The following NTM variants were observed in gnomAD, a reference collection of about 807,000 sequenced individuals.
NTM encodes the protein IgLON family member 2.
NTM carries 13 observed loss-of-function variants against 42.1 expected under a neutral mutation model. The ratio of observed to expected loss-of-function variants is 0.31; its 90% CI spans 0.20 to 0.49. The LOEUF (loss-of-function observed/expected upper bound fraction) is 0.49, where lower values mean the gene tolerates loss of function less well. NTM is among the 20% of genes least tolerant of loss of function. The probability of loss-of-function intolerance (pLI) is 0.99; values close to 1 mark genes in which losing one functional copy is unlikely to be tolerated. For synonymous variants in NTM, 187 were observed against 179.2 expected (o/e 1.04, Z -0.35); for missense variants, 373 against 452.8 (o/e 0.82, Z 1.60).
intron 1 of NTM, among the ~76,000 whole-genome samples, chr11:131,617,354 A>T (rs2062045425): frequency 6.6e-6 from 1 of 152,124 alleles, no homozygotes; most frequent in Admixed American, 6.5e-5. Context: ...GTTTAAGAAG[A>T]TCATCTTCAT....
intron 2 of NTM, among the ~76,000 whole-genome samples, chr11:132,057,044 ACC>A (rs1310208908): frequency 6.6e-6 from 1 of 152,214 alleles, no homozygotes; most frequent in African/African-American, 2.4e-5. Context: ...AAGTGCTGAT[ACC>A]AGTGATAAAA....
chr11:131,751,525 G>T (rs937524600), intron 1 of NTM, among the ~76,000 whole-genome samples: 2 of 151,712 alleles, frequency 1.3e-5, no homozygotes, highest in African/African-American at 4.8e-5. Context: ...GGGAGGCGGA[G>T]CTTGCAGTGG....
intron 1 of NTM, among the ~76,000 whole-genome samples, chr11:131,781,405 A>G (rs1408677012): frequency 1.3e-5 from 2 of 152,166 alleles, no homozygotes; most frequent in Non-Finnish European, 2.9e-5. Flanking sequence ...TTGAATAAAC[A>G]TTTTAATTTA....
At chr11:132,173,368 C>A (rs1326312217) in intron 3 of NTM, among the ~76,000 whole-genome samples, 1 of 152,216 alleles carries the variant, frequency 6.6e-6, no homozygotes, top group Non-Finnish European at 1.5e-5. Context: ...GAAGTGGGGT[C>A]TCCGGAATTC....
chr11:131,915,413 T>G (rs2056135224), intron 2 of NTM, among the ~76,000 whole-genome samples: 1 of 152,246 alleles, frequency 6.6e-6, no homozygotes, highest in Non-Finnish European at 1.5e-5. Flanking sequence ...GCAAGAATCA[T>G]GCCTTGTCAT....
intron 1 of NTM, among the ~76,000 whole-genome samples, chr11:131,816,393 C>T (rs556027632): frequency 6.6e-6 from 1 of 152,166 alleles, no homozygotes; most frequent in South Asian, 2.1e-4. Context: ...TTTTTAAAAG[C>T]CGTGGAAGAG....
At chr11:132,197,452 C>A (rs1444151712) in intron 3 of NTM, among the ~76,000 whole-genome samples, 2 of 151,392 alleles carry the variant, frequency 1.3e-5, no homozygotes, top group Non-Finnish European at 2.9e-5. Flanking sequence ...CATAACCACC[C>A]TATTAGGTAT....
chr11:132,034,902 C>T (rs2076332890), intron 2 of NTM, among the ~76,000 whole-genome samples: 1 of 152,200 alleles, frequency 6.6e-6, no homozygotes, highest in African/African-American at 2.4e-5. Context: ...GATATACATT[C>T]ATGATACAAG....
At position 132,335,271 on chromosome 11, in the gene NTM, A is replaced by C; in HGVS notation, c.*125A>C. 3 of 1,038,302 alleles carry C rather than the reference A, an allele frequency of 2.9e-6. No homozygotes were observed. The highest frequency in any genetic ancestry group is 4.1e-6 in the Non-Finnish European group (3 of 736,942). 64.3% of individuals were successfully genotyped at this position (1,038,302 alleles called of 1,614,324 possible). A position where few individuals can be genotyped will look rare whatever the true frequency, so the allele number is the denominator to read the frequency against. On this transcript the variant is annotated 3_prime_UTR_variant, in exon 9 of 9. Transcript: ENST00000683400. The stretch of plus-strand genomic sequence containing the variant: ...ATGAAATTAGAAGAAACACAGCCTC[A>C]TGGGACAGAAATTTGAGGGAGGGGA...
chr11:132,026,384 C>T (rs554708693), intron 2 of NTM, among the ~76,000 whole-genome samples: 100 of 152,240 alleles, frequency 6.6e-4, no homozygotes, highest in African/African-American at 2.2e-3. Flanking sequence ...CGTATGTAAA[C>T]CATCCTGGGG....
At chr11:132,232,222 G>A (rs906784927) in intron 4 of NTM, among the ~76,000 whole-genome samples, 1 of 152,020 alleles carries the variant, frequency 6.6e-6, no homozygotes, top group African/African-American at 2.4e-5. Context: ...AAGGAAAGGA[G>A]GTGCTTGCCA....
intron 5 of NTM, among the ~76,000 whole-genome samples, chr11:132,308,925 A>G (rs1431786488): frequency 3.3e-5 from 5 of 152,120 alleles, no homozygotes; most frequent in East Asian, 1.9e-4. Context: ...ACCTCAGCAC[A>G]TGAAATATTA....
intron 1 of NTM, among the ~76,000 whole-genome samples, chr11:131,403,663 A>G (rs1945489048): frequency 6.6e-6 from 1 of 152,204 alleles, no homozygotes; most frequent in South Asian, 2.1e-4. Flanking sequence ...TTCTTTCTTC[A>G]GAGACATCTA....
chr11:131,839,671 T>C (rs2043976102), intron 1 of NTM, among the ~76,000 whole-genome samples: 2 of 151,826 alleles, frequency 1.3e-5, no homozygotes, highest in Admixed American at 1.3e-4. Flanking sequence ...CCCAGAAGAG[T>C]GAAAGAATTT....
rs79830209 is a variant in NTM at position 131,978,878 on chromosome 11, C to T, written c.167+67230C>T. Reference sequence around the variant, plus strand: ...ACCTGCATACTTGAATGTACCTGACCGGGAAACCCTTTTATCAGAAACACG... The same window carrying T: ...ACCTGCATACTTGAATGTACCTGACTGGGAAACCCTTTTATCAGAAACACG... On this transcript the variant is annotated intron_variant, in intron 2 of 8. Transcript: ENST00000683400. 2.2e-3 allele frequency among the ~76,000 whole-genome samples: 332 copies of T among 152,126 alleles called. 6 individuals are homozygous for T. The East Asian group carries it at 0.047, about 22-fold the overall frequency.
intron 3 of NTM, among the ~76,000 whole-genome samples, chr11:132,207,656 A>G (rs2082194306): frequency 6.6e-6 from 1 of 152,156 alleles, no homozygotes; most frequent in African/African-American, 2.4e-5. Context: ...TCTAAAGTAG[A>G]CTTCTTCCAT....
chr11:132,028,563 G>T (rs549496801), intron 2 of NTM, among the ~76,000 whole-genome samples: 2 of 152,022 alleles, frequency 1.3e-5, no homozygotes, highest in Non-Finnish European at 1.5e-5. Flanking sequence ...CCATGGGTGT[G>T]GGGGGAGGGA....
At chr11:132,094,405 C>T (rs184804258) in intron 2 of NTM, among the ~76,000 whole-genome samples, 77 of 152,262 alleles carry the variant, frequency 5.1e-4, no homozygotes, top group Admixed American at 1.5e-3. Flanking sequence ...AGATACCCCT[C>T]AGGGAGCACT....
chr11:131,691,563 C>CCG (rs1418002576), intron 1 of NTM, among the ~76,000 whole-genome samples: 13 of 152,038 alleles, frequency 8.6e-5, no homozygotes, highest in African/African-American at 3.1e-4. Context: ...TGAAAGCCCC[C>CCG]CCCCGACTTC....
Sources: gnomAD v4.1 joint callset for allele counts (sites outside exome capture counted in the v4.1 genomes callset) on GRCh38, gnomAD v4.1.1 for gene constraint, MANE v1.5 for transcripts, NCBI Gene and HGNC (gene_info 2026-07-23, HGNC 2026-07-21) for gene names.